The following ALG1L2 variants were observed in gnomAD, a reference collection of about 807,000 sequenced individuals.
ALG1L2 encodes ALG1 chitobiosyldiphosphodolichol beta-mannosyltransferase like 2.
In ALG1L2, 32 loss-of-function variants were observed where a neutral mutation model predicts 29.0. The ratio of observed to expected loss-of-function variants is 1.10; its 90% CI spans 0.83 to 1.48. The LOEUF is 1.48. Ranked by LOEUF, ALG1L2 falls within the 40% of genes most tolerant of loss-of-function variation. The pLI is 0.00. For missense variants in ALG1L2, 318 were observed against 274.1 expected (o/e 1.16, Z -1.13); for synonymous variants, 110 against 109.5 (o/e 1.00, Z -0.03).
At chr3:130,094,018 G>A (rs568369358) in intron 4 of ALG1L2, 40 of 274,718 alleles carry the variant, frequency 1.5e-4, no homozygotes, top group Admixed American at 2.5e-4. Context: ...GGGCAGGGGC[G>A]GCTTGGAACC....
At chr3:130,097,087 C>A (rs12637557) in intron 6 of ALG1L2, 88 bp from the exon 7 acceptor site, 602,203 of 1,552,562 alleles carry the variant, frequency 0.39, 118,252 homozygotes, top group Middle Eastern at 0.44. Flanking sequence ...CTGGCTTGAG[C>A]GTGGGGTGGG....
intron 3 of ALG1L2, 105 bp downstream of exon 3, chr3:130,092,327 C>T: frequency 1.3e-6 from 2 of 1,594,444 alleles, no homozygotes; most frequent in Non-Finnish European, 1.7e-6. Context: ...CCACCACGGT[C>T]TCAGTGAGAA....
rs372723421 is a variant in ALG1L2 at position 130,087,426 on chromosome 3, A to C, written c.21-3835A>C. On this transcript the variant is annotated intron_variant, in intron 1 of 7. Coordinates refer to ENST00000425059, the MANE Select transcript of ALG1L2 (RefSeq NM_001136152.1). ...ACCTACAGAGACACAACAACTGAAA[A>C]TAATGCATGATCTGGGATGATCGTT... Among the ~76,000 whole-genome samples, 33 of 149,952 alleles carry C rather than the reference A, an allele frequency of 2.2e-4. No individual in the cohort carries two copies. In the South Asian group the frequency reaches 5.3e-3, roughly 24 times the overall value.
chr3:130,097,363 G>T (rs547811760), intron 7 of ALG1L2, 113 bp downstream of exon 7: 2 of 1,467,560 alleles, frequency 1.4e-6, no homozygotes, highest in African/African-American at 1.4e-5. Flanking sequence ...GGGGTCTGGC[G>T]GAAAAGCTAG....
intron 1 of ALG1L2, among the ~76,000 whole-genome samples, chr3:130,090,495 C>T (rs1425585946): frequency 6.6e-6 from 1 of 152,420 alleles, no homozygotes; most frequent in South Asian, 2.1e-4. Context: ...TACACTCTTC[C>T]TTCAGGTTCA....
At chr3:130,087,000 TCTC>T (rs1281673369) in intron 1 of ALG1L2, among the ~76,000 whole-genome samples, 3 of 151,030 alleles carry the variant, frequency 2.0e-5, no homozygotes, top group South Asian at 2.1e-4. Context: ...CTTTCTTTCT[TCTC>T]TTCTGCTTTA....
chr3:130,098,127 T>A (rs1935184934), intron 7 of ALG1L2, 96 bp from the exon 8 acceptor site: 2 of 1,526,682 alleles, frequency 1.3e-6, no homozygotes, highest in Admixed American at 1.9e-5. Context: ...GCTAGGGACT[T>A]GGGAGGGGTT....
chr3:130,095,152 C>T (rs184535677), intron 5 of ALG1L2, among the ~76,000 whole-genome samples: 58 of 152,080 alleles, frequency 3.8e-4, no homozygotes, highest in Non-Finnish European at 7.2e-4. Flanking sequence ...CTCAGCCTCC[C>T]GAGTAGATTA....
intron 1 of ALG1L2, among the ~76,000 whole-genome samples, chr3:130,084,935 G>A (rs6783169): frequency 8.4e-5 from 11 of 131,206 alleles, no homozygotes; most frequent in Middle Eastern, 9.2e-3. Context: ...TATATATATA[G>A]AGATATATAT....
chr3:130,082,176 A>C, intron 1 of ALG1L2, 140 bp downstream of exon 1: 1 of 970,404 alleles, frequency 1.0e-6, no homozygotes, highest in Non-Finnish European at 1.5e-6. Flanking sequence ...GTGCCAACTG[A>C]GACCACAGCA....
At chr3:130,085,610 A>G (rs1934871955) in intron 1 of ALG1L2, among the ~76,000 whole-genome samples, 1 of 151,324 alleles carries the variant, frequency 6.6e-6, no homozygotes, top group South Asian at 2.1e-4. Flanking sequence ...TAACTTGACT[A>G]CCTTTGTAAT....
chr3:130,083,265 G>A (rs191178048), intron 1 of ALG1L2, among the ~76,000 whole-genome samples: 90 of 141,260 alleles, frequency 6.4e-4, no homozygotes, highest in African/African-American at 1.7e-3. Flanking sequence ...CCAACATGGC[G>A]AAACCCCGTC....
Position 130,092,182 on chromosome 3 carries a change from C to G in ALG1L2, c.213C>G (p.His71Gln). The change falls in exon 3 of 8, where the codon CAC becomes CAG. Residue 71 changes from histidine to glutamine, a missense_variant. His to Gln is a conservative substitution (Grantham distance 24, BLOSUM62 0). Transcript: ENST00000425059. The stretch of plus-strand genomic sequence containing the variant: ...GGAGCGGGCTGGTGACGCGTCTCCA[C>G]GAGCGGCCAGCCCTGCTGGTCAGCA... ...DSGSGLVTRL[H>Q]ERPALLVSST... 1 of 1,612,454 alleles carries G rather than the reference C, an allele frequency of 6.2e-7. No individual in the cohort carries two copies. Among genetic ancestry groups the G allele is most frequent in the Non-Finnish European group, 8.5e-7 (1 of 1,179,564 alleles).
chr3:130,098,176 C>A (rs745596095), intron 7 of ALG1L2, 47 bp from the exon 8 acceptor site: 79 of 1,595,452 alleles, frequency 5.0e-5, no homozygotes, highest in Non-Finnish European at 5.9e-6. Flanking sequence ...CAGGTGGTGA[C>A]CTGGGATGGG....
intron 1 of ALG1L2, among the ~76,000 whole-genome samples, chr3:130,088,890 G>A (rs192047199): frequency 1.3e-3 from 198 of 152,402 alleles, no homozygotes; most frequent in African/African-American, 4.5e-3. Context: ...CCCAGTCTCA[G>A]GTATGTCTTT....
intron 2 of ALG1L2, chr3:130,091,793 G>T (rs1204942405): frequency 6.4e-6 from 4 of 622,092 alleles, no homozygotes; most frequent in African/African-American, 5.4e-5. Flanking sequence ...GTGTGCCCCT[G>T]GGTAAGCTGG....
In ALG1L2 at chr3:130,081,921, A is replaced by G; in HGVS notation, c.-96A>G. ...AAGGCTCAGAGGGAGCTTCTCCAGG[A>G]TCAGCAGAGCTCGATTGTAGGGTGT... On this transcript the variant is annotated 5_prime_UTR_variant, in exon 1 of 8. Coordinates refer to ENST00000425059, the MANE Select transcript of ALG1L2 (RefSeq NM_001136152.1). The G allele has an allele frequency of 2.9e-6, 4 of 1,392,366 alleles. No homozygotes were observed. Among genetic ancestry groups the G allele is most frequent in the African/African-American group, 1.4e-5 (1 of 71,992 alleles). 86.3% of individuals were successfully genotyped at this position (1,392,366 alleles called of 1,614,324 possible). A position where few individuals can be genotyped will look rare whatever the true frequency, so the allele number is the denominator to read the frequency against.
intron 1 of ALG1L2, among the ~76,000 whole-genome samples, chr3:130,087,306 G>A (rs2108116451): frequency 6.7e-6 from 1 of 149,662 alleles, no homozygotes; most frequent in East Asian, 1.9e-4. Flanking sequence ...TCCAAAGTAA[G>A]GGACATTCTA....
chr3:130,093,209 G>A (rs1276634276), intron 4 of ALG1L2, 49 bp downstream of exon 4: 20 of 1,579,146 alleles, frequency 1.3e-5, no homozygotes, highest in Non-Finnish European at 1.7e-5. Context: ...ATGGTGGAGG[G>A]GGAGGGGCAC....
Sources: gnomAD v4.1 joint callset for allele counts (sites outside exome capture counted in the v4.1 genomes callset) on GRCh38, gnomAD v4.1.1 for gene constraint, MANE v1.5 for transcripts, NCBI Gene and HGNC (gene_info 2026-07-23, HGNC 2026-07-21) for gene names.